DENND1B: variants seen among roughly 807,000 people sequenced by gnomAD.
The protein encoded by DENND1B is DENN domain containing 1B, also known as DENN domain-containing protein 1B.
DENND1B carries 59 observed loss-of-function variants against 90.1 expected under a neutral mutation model. That is an observed-to-expected ratio of 0.65 (90% CI 0.53 to 0.81). The LOEUF (loss-of-function observed/expected upper bound fraction) is 0.81. Among genes scored for constraint, DENND1B ranks in the 40% least tolerant of loss-of-function variants. The pLI, the probability that DENND1B is intolerant of heterozygous loss-of-function variation, is 0.00. For synonymous variants in DENND1B, 337 were observed against 324.6 expected, an observed-to-expected ratio of 1.04 and a Z score of -0.41; for missense variants, 862 against 912.6, an observed-to-expected ratio of 0.94 and a Z score of 0.71.
chr1:197,530,639 G>A (rs16841685), intron 20 of DENND1B, among the ~76,000 whole-genome samples: 2,725 of 152,166 alleles, frequency 0.018, 84 homozygotes, highest in African/African-American at 0.062. Context: ...AGTGATCCTG[G>A]ACTATAACTA....
intron 20 of DENND1B, among the ~76,000 whole-genome samples, chr1:197,522,712 A>C (rs1360472384): frequency 6.6e-6 from 1 of 152,132 alleles, no homozygotes; most frequent in Admixed American, 6.6e-5. Context: ...CTTTTTAAAA[A>C]ATCATAATTT....
intron 18 of DENND1B, among the ~76,000 whole-genome samples, chr1:197,544,483 T>C (rs546631799): frequency 6.6e-6 from 1 of 152,298 alleles, no homozygotes; most frequent in South Asian, 2.1e-4. Context: ...TTAATTGTCA[T>C]ATTAAAGAGT....
At chr1:197,613,438 T>G (rs1202752486) in intron 11 of DENND1B, among the ~76,000 whole-genome samples, 1 of 150,706 alleles carries the variant, frequency 6.6e-6, no homozygotes, top group Non-Finnish European at 1.5e-5. Flanking sequence ...TTTTTTAATT[T>G]GAATGCAAGA....
At chr1:197,772,992 T>C (rs776918536) in intron 1 of DENND1B, 60 bp from the exon 2 acceptor site, 6 of 1,352,280 alleles carry the variant, frequency 4.4e-6, no homozygotes, top group East Asian at 2.5e-5. Flanking sequence ...ATGAAACTTG[T>C]ATTTTCTTAA....
At chr1:197,654,949 T>C (rs1421396862) in intron 6 of DENND1B, among the ~76,000 whole-genome samples, 1 of 152,212 alleles carries the variant, frequency 6.6e-6, no homozygotes, top group African/African-American at 2.4e-5. Flanking sequence ...ACCAAAGCTA[T>C]ATAATTTTTA....
chr1:197,510,934 G>A lies in DENND1B; in HGVS notation c.1854C>T (p.Phe618=). The A allele has an allele frequency of 1.9e-6, 3 of 1,557,828 alleles. No homozygotes were observed. The highest frequency in any genetic ancestry group is 2.6e-6 in the Non-Finnish European group (3 of 1,156,486). The change falls in exon 23 of 23, where the codon TTC becomes TTT. Residue 618 remains phenylalanine (F), a synonymous_variant. Coordinates refer to ENST00000620048, the MANE Select transcript of DENND1B (RefSeq NM_001195215.2). ...SNAPSENNLA[F]LCGGSGDQAE... ...CTTGGTCACCAGAACCACCACAGAG[G>A]AAAGCCAGGTTATTCTCACTAGGAG... is the stretch of plus-strand genomic sequence containing the variant.
At chr1:197,747,039 A>G (rs768642267) in intron 2 of DENND1B, 14 of 807,286 alleles carry the variant, frequency 1.7e-5, no homozygotes, top group Non-Finnish European at 2.9e-5. Context: ...GTTCAAATCA[A>G]TCATTGACTC....
intron 12 of DENND1B, among the ~76,000 whole-genome samples, chr1:197,608,008 A>G (rs1378266642): frequency 1.3e-5 from 2 of 150,702 alleles, no homozygotes; most frequent in African/African-American, 4.8e-5. Flanking sequence ...TTAATTAAAT[A>G]CATTCATGAA....
At chr1:197,749,989 G>C (rs1043979553) in intron 2 of DENND1B, among the ~76,000 whole-genome samples, 1 of 152,070 alleles carries the variant, frequency 6.6e-6, no homozygotes, top group Non-Finnish European at 1.5e-5. Context: ...TGGGACTACA[G>C]GTCCACACCA....
intron 16 of DENND1B, among the ~76,000 whole-genome samples, chr1:197,547,571 C>T (rs1670909745): frequency 6.6e-6 from 1 of 152,154 alleles, no homozygotes; most frequent in Non-Finnish European, 1.5e-5. Flanking sequence ...TCTCTGACTA[C>T]TCAGAACACA....
At chr1:197,559,682 T>C (rs1672002669) in intron 15 of DENND1B, among the ~76,000 whole-genome samples, 1 of 151,582 alleles carries the variant, frequency 6.6e-6, no homozygotes, top group Admixed American at 6.6e-5. Flanking sequence ...TTATGAATCT[T>C]TAAAATTTGC....
At chr1:197,630,533 G>T (rs148579291) in intron 10 of DENND1B, among the ~76,000 whole-genome samples, 159 of 152,174 alleles carry the variant, frequency 1.0e-3, no homozygotes, top group African/African-American at 3.8e-3. Context: ...AATTTTAGGG[G>T]ACACAGTCAG....
intron 15 of DENND1B, among the ~76,000 whole-genome samples, chr1:197,581,749 T>C (rs968382445): frequency 2.6e-5 from 4 of 152,192 alleles, no homozygotes; most frequent in Admixed American, 2.6e-4. Flanking sequence ...CAGAAGTTCA[T>C]GATCAAAGGG....
intron 10 of DENND1B, among the ~76,000 whole-genome samples, chr1:197,636,886 C>CTA (rs1230300985): frequency 6.6e-6 from 1 of 151,808 alleles, no homozygotes; most frequent in Admixed American, 6.6e-5. Context: ...CAAATTAGCC[C>CTA]TTTATAGTAG....
chr1:197,770,705 A>AT (rs1656387088), intron 2 of DENND1B, among the ~76,000 whole-genome samples: 1 of 140,084 alleles, frequency 7.1e-6, no homozygotes, highest in African/African-American at 2.7e-5. Context: ...TATATCTATA[A>AT]ATATATAAAT....
intron 3 of DENND1B, among the ~76,000 whole-genome samples, chr1:197,687,429 G>A (rs1401677433): frequency 6.6e-6 from 1 of 152,054 alleles, no homozygotes; most frequent in Admixed American, 6.6e-5. Flanking sequence ...CAGAATGTTT[G>A]AAGAAATAAA....
At chr1:197,743,699 T>G (rs530930951) in intron 2 of DENND1B, among the ~76,000 whole-genome samples, 1 of 152,330 alleles carries the variant, frequency 6.6e-6, no homozygotes, top group African/African-American at 2.4e-5. Flanking sequence ...AGTGTCAATC[T>G]AAGCTGGTTA....
intron 5 of DENND1B, among the ~76,000 whole-genome samples, chr1:197,660,381 G>GA (rs1168329062): frequency 6.6e-6 from 1 of 151,798 alleles, no homozygotes; most frequent in African/African-American, 2.4e-5. Flanking sequence ...AATAATAAGA[G>GA]AAAAATATTA....
intron 2 of DENND1B, among the ~76,000 whole-genome samples, chr1:197,737,044 T>G (rs1312036628): frequency 1.3e-5 from 2 of 152,232 alleles, no homozygotes; most frequent in African/African-American, 4.8e-5. Context: ...AAGCCTATTC[T>G]GAGTCTAAAT....
Sources: gnomAD v4.1 joint callset for allele counts (sites outside exome capture counted in the v4.1 genomes callset) on GRCh38, gnomAD v4.1.1 for gene constraint, MANE v1.5 for transcripts, NCBI Gene and HGNC (gene_info 2026-07-23, HGNC 2026-07-21) for gene names.